The following ADAMTS20 variants were observed in gnomAD, a reference collection of about 807,000 sequenced individuals.
ADAMTS20 encodes ADAM metallopeptidase with thrombospondin type 1 motif 20.
In ADAMTS20, 225 loss-of-function variants were observed where a neutral mutation model predicts 260.1. The ratio of observed to expected loss-of-function variants is 0.87; its 90% CI spans 0.78 to 0.97. The LOEUF is 0.97. Ranked by LOEUF, ADAMTS20 falls within the 50% of genes least tolerant of loss-of-function variation. The pLI is 0.00. For missense variants in ADAMTS20, 2,400 were observed against 2,337.7 expected (o/e 1.03, Z -0.55); for synonymous variants, 802 against 769.5 (o/e 1.04, Z -0.70).
chr12:43,427,335 T>C lies in ADAMTS20; in HGVS notation c.4080A>G (p.Pro1360=). 1 of 1,613,570 alleles carries C rather than the reference T, an allele frequency of 6.2e-7. No homozygotes were observed. The highest frequency in any genetic ancestry group is 2.2e-5 in the East Asian group (1 of 44,884). ...CTCCCCAATTTCCGTAGTTCCACTG[T>C]GGACAAGGCCCTGGACCACATTGCT... ...ELQQCGPGPC[P]QWNYGNWGEC... is the part of the protein sequence containing the mutation. Residue 1360 remains proline, a synonymous_variant, in exon 27 of 39, where the codon CCA becomes CCG. Transcript: ENST00000389420.
At chr12:43,529,731 C>G (rs1565583705) in intron 3 of ADAMTS20, among the ~76,000 whole-genome samples, 1 of 151,992 alleles carries the variant, frequency 6.6e-6, no homozygotes, top group Non-Finnish European at 1.5e-5. Context: ...GACAAGTGCA[C>G]TAAAATATCA....
intron 7 of ADAMTS20, among the ~76,000 whole-genome samples, chr12:43,487,477 A>G (rs1942540788): frequency 6.6e-6 from 1 of 152,098 alleles, no homozygotes; most frequent in Non-Finnish European, 1.5e-5. Flanking sequence ...ATTAGGTACA[A>G]TGTACACTAC....
intron 29 of ADAMTS20, among the ~76,000 whole-genome samples, chr12:43,386,227 T>G (rs1592041185): frequency 6.6e-6 from 1 of 152,196 alleles, no homozygotes; most frequent in African/African-American, 2.4e-5. Context: ...GCTTCTCTAG[T>G]TCTCCTTTGC....
intron 11 of ADAMTS20, 136 bp from the exon 12 acceptor site, chr12:43,454,188 C>T: frequency 1.0e-6 from 1 of 975,726 alleles, no homozygotes; most frequent in Non-Finnish European, 1.4e-6. Context: ...ATTCAGATTA[C>T]ATTTGAAATG....
chr12:43,435,286 G>A (rs1277513882), intron 18 of ADAMTS20, among the ~76,000 whole-genome samples: 1 of 152,116 alleles, frequency 6.6e-6, no homozygotes, highest in Non-Finnish European at 1.5e-5. Flanking sequence ...GAAGAAAGAT[G>A]AATATGCAAA....
chr12:43,538,473 T>C (rs1943327250), intron 2 of ADAMTS20, among the ~76,000 whole-genome samples: 1 of 152,244 alleles, frequency 6.6e-6, no homozygotes, highest in Admixed American at 6.5e-5. Flanking sequence ...GGGTTGTCTC[T>C]TCACTTTGTT....
chr12:43,525,502 T>C (rs1019564081), intron 3 of ADAMTS20, among the ~76,000 whole-genome samples: 1 of 152,136 alleles, frequency 6.6e-6, no homozygotes, highest in Admixed American at 6.5e-5. Context: ...ACATGATGAA[T>C]GGAACAGTAT....
At chr12:43,448,486 C>T (rs1026442257) in intron 14 of ADAMTS20, among the ~76,000 whole-genome samples, 4 of 151,994 alleles carry the variant, frequency 2.6e-5, no homozygotes, top group South Asian at 2.1e-4. Context: ...ATAAAAAAAT[C>T]AACTCATGAT....
chr12:43,369,954 T>C (rs1940071181), intron 36 of ADAMTS20, among the ~76,000 whole-genome samples: 1 of 152,120 alleles, frequency 6.6e-6, no homozygotes, highest in Non-Finnish European at 1.5e-5. Context: ...AGAGTCTACA[T>C]AAAGTATCAA....
chr12:43,443,956 T>C (rs1941715021), intron 15 of ADAMTS20, 73 bp from the exon 16 acceptor site: 1 of 1,231,422 alleles, frequency 8.1e-7, no homozygotes, highest in Admixed American at 1.8e-5. Context: ...GCTGAATGGA[T>C]GAAAAATTCG....
chr12:43,511,881 G>C (rs1388464115), intron 3 of ADAMTS20, among the ~76,000 whole-genome samples: 2 of 152,084 alleles, frequency 1.3e-5, no homozygotes, highest in Non-Finnish European at 2.9e-5. Flanking sequence ...CAAACAACTT[G>C]CTGAATGTGC....
At chr12:43,364,923 C>T (rs773412119) in intron 37 of ADAMTS20, among the ~76,000 whole-genome samples, 1 of 151,804 alleles carries the variant, frequency 6.6e-6, no homozygotes, top group Non-Finnish European at 1.5e-5. Flanking sequence ...TAGTGGACTC[C>T]AAGCCAAGTA....
intron 29 of ADAMTS20, among the ~76,000 whole-genome samples, chr12:43,393,225 T>C (rs1565678209): frequency 6.6e-6 from 1 of 152,078 alleles, no homozygotes. Flanking sequence ...TATCCATTAT[T>C]TTAACAGTGT....
chr12:43,460,988 A>ATATATATATATATATTTTTT, intron 11 of ADAMTS20, among the ~76,000 whole-genome samples: 15 of 26,392 alleles, frequency 5.7e-4, no homozygotes, highest in South Asian at 2.7e-3. Context: ...ATATATATAT[A>ATATATATATATATATTTTTT]TTTTTTTTTT....
chr12:43,442,671 TAG>T (rs1201353249), intron 16 of ADAMTS20, among the ~76,000 whole-genome samples: 7 of 152,224 alleles, frequency 4.6e-5, no homozygotes, highest in Non-Finnish European at 7.3e-5. Context: ...TCCAATATGG[TAG>T]CATATATCTA....
chr12:43,438,840 A>C (rs1344393822), intron 18 of ADAMTS20, among the ~76,000 whole-genome samples: 1 of 151,998 alleles, frequency 6.6e-6, no homozygotes, highest in Non-Finnish European at 1.5e-5. Flanking sequence ...TCTCCTCAAA[A>C]ACTGCTCCCT....
Position 43,425,691 on chromosome 12 carries a change from C to A in ADAMTS20, c.4108-1G>T. 6.4e-7 allele frequency: 1 copy of A among 1,570,078 alleles called. No individual in the cohort carries two copies. Among genetic ancestry groups the A allele is most frequent in the Admixed American group, 1.8e-5 (1 of 56,380 alleles). On this transcript the variant is annotated splice_acceptor_variant, in intron 27 of 38. Coordinates refer to ENST00000389420, the MANE Select transcript of ADAMTS20 (RefSeq NM_025003.5). LOFTEE classifies it high-confidence loss of function. Reference sequence around the variant, plus strand: ...TTCCTCCTCCACATGTTTGTGAACACTAAAAACAAGAATAGGAAAATTCAA... The same window carrying A: ...TTCCTCCTCCACATGTTTGTGAACAATAAAAACAAGAATAGGAAAATTCAA...
At chr12:43,388,241 C>T (rs931308643) in intron 29 of ADAMTS20, among the ~76,000 whole-genome samples, 6 of 152,136 alleles carry the variant, frequency 3.9e-5, no homozygotes, top group African/African-American at 1.4e-4. Flanking sequence ...GACCGTCCCT[C>T]AAGGCACAGT....
rs926234096 is a variant in ADAMTS20 at position 43,394,672 on chromosome 12, CCTT to C, written c.4452+4391_4452+4393del. On this transcript the variant is annotated intron_variant, in intron 29 of 38. Transcript: ENST00000389420. ...GCCTGAAATTGTGAACTTCATGTGTCCTTCTTGGCCAAAGGGGCAATAATTTGC... is the reference window on the plus strand; with the variant it reads ...GCCTGAAATTGTGAACTTCATGTGTCCTTGGCCAAAGGGGCAATAATTTGC... 3.2e-4 allele frequency among the ~76,000 whole-genome samples: 49 copies of C among 152,156 alleles called. 1 individual carries two copies. The highest frequency in any genetic ancestry group is 2.8e-3 in the Admixed American group (42 of 15,254).
Sources: allele counts gnomAD v4.1 joint callset (sites outside exome capture counted in the v4.1 genomes callset), GRCh38; gene constraint gnomAD v4.1.1; transcripts MANE v1.5; gene names NCBI Gene and HGNC (gene_info 2026-07-23, HGNC 2026-07-21).